AKAP19: variants seen among roughly 807,000 people sequenced by gnomAD.
AKAP19 encodes the protein small A-kinase anchoring protein.
chr2:190,042,464 C>T, the AKAP19 span, among the ~76,000 whole-genome samples: 1 of 151,392 alleles, frequency 6.6e-6, no homozygotes, highest in Non-Finnish European at 1.5e-5. Flanking sequence ...AAAAAAACAA[C>T]TCCTGGATTT....
At chr2:190,171,277 T>A in the AKAP19 span, among the ~76,000 whole-genome samples, 1 of 151,768 alleles carries the variant, frequency 6.6e-6, no homozygotes, top group African/African-American at 2.4e-5. Flanking sequence ...ATTTAAAATA[T>A]TTTACTGAAG....
the AKAP19 span, among the ~76,000 whole-genome samples, chr2:190,010,488 G>A: frequency 6.6e-6 from 1 of 152,242 alleles, no homozygotes; most frequent in Non-Finnish European, 1.5e-5. Context: ...AATTAATCAT[G>A]AATTTGAAAA....
chr2:189,959,968 A>G, the AKAP19 span, among the ~76,000 whole-genome samples: 1 of 152,094 alleles, frequency 6.6e-6, no homozygotes, highest in African/African-American at 2.4e-5. Flanking sequence ...GGTTTTTTTC[A>G]TATTCTTTGT....
At chr2:190,115,276 T>C in the AKAP19 span, among the ~76,000 whole-genome samples, 2 of 4,292 alleles carry the variant, frequency 4.7e-4, 1 homozygote, top group South Asian at 9.4e-3. Flanking sequence ...TATATATATA[T>C]ATATATATAT....
chr2:189,999,892 T>C, the AKAP19 span, among the ~76,000 whole-genome samples: 4,982 of 152,320 alleles, frequency 0.033, 278 homozygotes, highest in African/African-American at 0.11. Flanking sequence ...GTGACTCTTA[T>C]GAAAGCCTCT....
chr2:189,926,834 T>G, the AKAP19 span, among the ~76,000 whole-genome samples: 1 of 150,234 alleles, frequency 6.7e-6, no homozygotes, highest in Admixed American at 6.6e-5. Flanking sequence ...GCGCCCGTCT[T>G]GGCCTCCGAA....
At chr2:189,951,861 T>A in the AKAP19 span, among the ~76,000 whole-genome samples, 715 of 152,336 alleles carry the variant, frequency 4.7e-3, 6 homozygotes, top group Middle Eastern at 6.8e-3. Context: ...CTGTGACCTC[T>A]CAAATGTTCT....
chr2:189,887,033 C>T, the AKAP19 span, among the ~76,000 whole-genome samples: 6,833 of 152,048 alleles, frequency 0.045, 491 homozygotes, highest in African/African-American at 0.15. Flanking sequence ...GATACATGTG[C>T]AGAACATGCA....
At chr2:189,973,536 T>G in the AKAP19 span, among the ~76,000 whole-genome samples, 2 of 152,212 alleles carry the variant, frequency 1.3e-5, no homozygotes, top group African/African-American at 4.8e-5. Context: ...TTTCTATTGA[T>G]TGGAATAGTT....
chr2:189,979,148 A>G, the AKAP19 span, among the ~76,000 whole-genome samples: 1 of 152,186 alleles, frequency 6.6e-6, no homozygotes, highest in African/African-American at 2.4e-5. Context: ...AAAAGAACAA[A>G]GCTGGAGGCA....
At chr2:189,993,399 A>G in the AKAP19 span, among the ~76,000 whole-genome samples, 1 of 152,100 alleles carries the variant, frequency 6.6e-6, no homozygotes, top group Non-Finnish European at 1.5e-5. Context: ...TTGATATGCT[A>G]TTAGATTCAG....
At chr2:190,193,284 G>A in the AKAP19 span, among the ~76,000 whole-genome samples, 2 of 151,672 alleles carry the variant, frequency 1.3e-5, no homozygotes, top group African/African-American at 4.8e-5. Flanking sequence ...TTGAATTTCT[G>A]GTATAAATCC....
the AKAP19 span, among the ~76,000 whole-genome samples, chr2:189,946,466 G>A: frequency 6.6e-6 from 1 of 152,026 alleles, no homozygotes; most frequent in African/African-American, 2.4e-5. Context: ...AAAGTTTAGT[G>A]CTTTCCTATG....
chr2:189,917,299 C>A, the AKAP19 span: 15 of 1,415,314 alleles, frequency 1.1e-5, no homozygotes, highest in Non-Finnish European at 1.5e-5. Flanking sequence ...TCATGGTCCT[C>A]CATCTGTCTT....
chr2:190,046,685 G>A, the AKAP19 span, among the ~76,000 whole-genome samples: 1 of 152,166 alleles, frequency 6.6e-6, no homozygotes, highest in Non-Finnish European at 1.5e-5. Flanking sequence ...CTGTGACCAT[G>A]TCACTAACAA....
At chr2:190,076,001 G>A in the AKAP19 span, among the ~76,000 whole-genome samples, 12 of 151,748 alleles carry the variant, frequency 7.9e-5, no homozygotes, top group Non-Finnish European at 1.8e-4. Context: ...AATTATCATA[G>A]TCTACCTTCA....
chr2:190,187,078 G>C, the AKAP19 span, among the ~76,000 whole-genome samples: 7 of 152,300 alleles, frequency 4.6e-5, no homozygotes, highest in South Asian at 1.4e-3. Flanking sequence ...GACCTCAGGT[G>C]ATCTGCCCAC....
the AKAP19 span, among the ~76,000 whole-genome samples, chr2:190,016,914 A>G: frequency 6.6e-6 from 1 of 152,162 alleles, no homozygotes; most frequent in Admixed American, 6.5e-5. Flanking sequence ...TTGTATTATT[A>G]TCTCTCCTTT....
chr2:189,940,034 C>T, the AKAP19 span, among the ~76,000 whole-genome samples: 2 of 152,094 alleles, frequency 1.3e-5, no homozygotes, highest in Non-Finnish European at 2.9e-5. Context: ...AATCCCAGCA[C>T]TTTGGGAGGC....
Sources: gnomAD v4.1 joint callset for allele counts (sites outside exome capture counted in the v4.1 genomes callset) on GRCh38, gnomAD v4.1.1 for gene constraint, MANE v1.5 for transcripts, NCBI Gene and HGNC (gene_info 2026-07-23, HGNC 2026-07-21) for gene names.